TMTC2: variants seen among roughly 807,000 people sequenced by gnomAD.
The protein encoded by TMTC2 is protein O-mannosyl-transferase TMTC2.
TMTC2 carries 43 observed loss-of-function variants against 82.4 expected under a neutral mutation model. The observed-to-expected ratio is 0.52, with a 90% CI of 0.41 to 0.67. TMTC2 has a LOEUF of 0.67. Ranked by LOEUF, TMTC2 falls within the 30% of genes least tolerant of loss-of-function variation. The pLI, the probability that TMTC2 is intolerant of heterozygous loss-of-function variation, is 0.00. For synonymous variants in TMTC2, 408 were observed against 381.9 expected, an observed-to-expected ratio of 1.07 and a Z score of -0.80; for missense variants, 919 against 1,012.4, an observed-to-expected ratio of 0.91 and a Z score of 1.25.
chr12:82,834,816 C>T (rs1021358898), intron 1 of TMTC2, among the ~76,000 whole-genome samples: 4 of 152,040 alleles, frequency 2.6e-5, no homozygotes. Flanking sequence ...AGATGGTGAA[C>T]TTGAGTTCTT....
intron 8 of TMTC2, among the ~76,000 whole-genome samples, chr12:83,001,650 A>G (rs535087361): frequency 2.0e-4 from 31 of 151,514 alleles, no homozygotes; most frequent in Middle Eastern, 3.4e-3. Context: ...AAAAAAAAAA[A>G]AAAAGAAAAA....
chr12:83,116,296 G>A (rs11115598), intron 11 of TMTC2, among the ~76,000 whole-genome samples: 49,005 of 152,020 alleles, frequency 0.32, 8,205 homozygotes, highest in East Asian at 0.53. Context: ...GTGTGTGTGT[G>A]TGTATATATA....
intron 1 of TMTC2, among the ~76,000 whole-genome samples, chr12:82,726,974 G>T (rs1339627988): frequency 1.3e-5 from 2 of 149,728 alleles, no homozygotes; most frequent in Non-Finnish European, 3.0e-5. Context: ...CCTTTGAATT[G>T]CTGTGTATCC....
chr12:82,954,935 G>A (rs1193662252), intron 4 of TMTC2, among the ~76,000 whole-genome samples: 1 of 152,154 alleles, frequency 6.6e-6, no homozygotes, highest in African/African-American at 2.4e-5. Flanking sequence ...TGGTAGGTTA[G>A]ACTTTTTAAT....
At chr12:83,102,498 A>C (rs1486187433) in intron 11 of TMTC2, among the ~76,000 whole-genome samples, 1 of 152,220 alleles carries the variant, frequency 6.6e-6, no homozygotes, top group Non-Finnish European at 1.5e-5. Flanking sequence ...TATTATCAGA[A>C]AGGGATTATA....
intron 1 of TMTC2, among the ~76,000 whole-genome samples, chr12:82,722,137 G>A (rs1241461188): frequency 6.6e-6 from 1 of 152,152 alleles, no homozygotes; most frequent in Non-Finnish European, 1.5e-5. Flanking sequence ...AATGAATTAT[G>A]CATCAGCTTT....
intron 8 of TMTC2, among the ~76,000 whole-genome samples, chr12:82,998,891 A>C (rs1178614908): frequency 6.6e-6 from 1 of 152,212 alleles, no homozygotes; most frequent in Non-Finnish European, 1.5e-5. Context: ...TAATGCAATT[A>C]ATTTTTAATA....
intron 3 of TMTC2, among the ~76,000 whole-genome samples, chr12:82,919,279 G>A (rs1310994912): frequency 6.6e-6 from 1 of 152,180 alleles, no homozygotes; most frequent in Non-Finnish European, 1.5e-5. Context: ...TAACATTAAT[G>A]CATCCATGAG....
chr12:82,887,372 A>G (rs1319573513), intron 2 of TMTC2, among the ~76,000 whole-genome samples: 1 of 152,132 alleles, frequency 6.6e-6, no homozygotes, highest in Non-Finnish European at 1.5e-5. Flanking sequence ...TCTTATTTTT[A>G]TGTATTTAGT....
intron 3 of TMTC2, among the ~76,000 whole-genome samples, chr12:82,897,417 C>G: frequency 6.6e-6 from 1 of 152,078 alleles, no homozygotes; most frequent in East Asian, 1.9e-4. Flanking sequence ...CTAGTTTAGG[C>G]AATTAAATGT....
chr12:82,703,777 G>A (rs1337712289), intron 1 of TMTC2, among the ~76,000 whole-genome samples: 1 of 152,116 alleles, frequency 6.6e-6, no homozygotes, highest in African/African-American at 2.4e-5. Flanking sequence ...GTGAGCCACC[G>A]TGCCCGGCCA....
chr12:82,983,112 G>A (rs1218779390), intron 7 of TMTC2, among the ~76,000 whole-genome samples: 1 of 151,996 alleles, frequency 6.6e-6, no homozygotes, highest in Non-Finnish European at 1.5e-5. Context: ...CCAAATGTGT[G>A]GAGTAAGAGG....
At chr12:83,119,887 G>A (rs1477281067) in intron 11 of TMTC2, among the ~76,000 whole-genome samples, 1 of 152,136 alleles carries the variant, frequency 6.6e-6, no homozygotes, top group Admixed American at 6.5e-5. Flanking sequence ...TTATCATTAT[G>A]TAATGTCCCT....
At chr12:83,048,203 G>T (rs565502186) in intron 9 of TMTC2, among the ~76,000 whole-genome samples, 1 of 152,104 alleles carries the variant, frequency 6.6e-6, no homozygotes, top group Non-Finnish European at 1.5e-5. Flanking sequence ...GATGGGGTTA[G>T]CCTGGCAATC....
intron 1 of TMTC2, among the ~76,000 whole-genome samples, chr12:82,699,128 G>T (rs1193490652): frequency 1.3e-5 from 2 of 152,162 alleles, no homozygotes. Flanking sequence ...TGATGCTGTT[G>T]CTGACTTTTT....
intron 1 of TMTC2, among the ~76,000 whole-genome samples, chr12:82,734,189 T>G (rs1217006086): frequency 6.6e-6 from 1 of 152,208 alleles, no homozygotes; most frequent in African/African-American, 2.4e-5. Context: ...GTTGATATAT[T>G]AGTTTTCTAT....
intron 2 of TMTC2, among the ~76,000 whole-genome samples, chr12:82,887,245 G>A (rs1873147639): frequency 6.6e-6 from 1 of 152,094 alleles, no homozygotes; most frequent in Non-Finnish European, 1.5e-5. Flanking sequence ...TTCCTTTTCA[G>A]TTTCATTTAT....
At chr12:82,806,768 C>T (rs576319681) in intron 1 of TMTC2, among the ~76,000 whole-genome samples, 1 of 152,216 alleles carries the variant, frequency 6.6e-6, no homozygotes, top group Admixed American at 6.5e-5. Context: ...TCTCCATCCT[C>T]GTTGTCTTCA....
intron 8 of TMTC2, among the ~76,000 whole-genome samples, chr12:83,025,298 T>C (rs112712950): frequency 0.029 from 4,459 of 151,946 alleles, 249 homozygotes; most frequent in African/African-American, 0.1. Context: ...GAAGAAAAGG[T>C]AAAGATTTGT....
Sources: gnomAD v4.1 joint callset for allele counts (sites outside exome capture counted in the v4.1 genomes callset) on GRCh38, gnomAD v4.1.1 for gene constraint, MANE v1.5 for transcripts, NCBI Gene and HGNC (gene_info 2026-07-23, HGNC 2026-07-21) for gene names.